Variants in ANKRD28 observed in about 807,000 individuals in gnomAD.
ANKRD28 encodes serine/threonine-protein phosphatase 6 regulatory ankyrin repeat subunit A.
Under a neutral mutation model 126.5 loss-of-function variants are expected in ANKRD28, and 44 were observed. That is an observed-to-expected ratio of 0.35 (90% CI 0.27 to 0.45). The LOEUF (loss-of-function observed/expected upper bound fraction) is 0.45, where lower values mean the gene tolerates loss of function less well. ANKRD28 is among the 20% of genes least tolerant of loss of function. ANKRD28 has a pLI of 1.00. For synonymous variants in ANKRD28, 442 were observed against 468.5 expected (o/e 0.94, Z 0.73); for missense variants, 1,110 against 1,316.6 (o/e 0.84, Z 2.43).
chr3:15,741,944 G>T (rs1318877228), intron 4 of ANKRD28, among the ~76,000 whole-genome samples: 11 of 151,918 alleles, frequency 7.2e-5, no homozygotes, highest in African/African-American at 2.7e-4. Context: ...TCGCTGTGTT[G>T]GCCGGGCTGG....
intron 2 of ANKRD28, among the ~76,000 whole-genome samples, chr3:15,772,527 A>C (rs753587615): frequency 2.0e-5 from 3 of 152,234 alleles, no homozygotes; most frequent in Non-Finnish European, 4.4e-5. Flanking sequence ...AGGGTACTAC[A>C]TCACGACCAA....
At chr3:15,788,675 CATT>C (rs2059891885) in intron 2 of ANKRD28, among the ~76,000 whole-genome samples, 1 of 152,060 alleles carries the variant, frequency 6.6e-6, no homozygotes, top group African/African-American at 2.4e-5. Context: ...AATGTGGTAT[CATT>C]AATATTTCAG....
chr3:15,777,902 A>ACACACACACC (rs1385745179), intron 2 of ANKRD28, among the ~76,000 whole-genome samples: 5 of 136,826 alleles, frequency 3.7e-5, no homozygotes, highest in Admixed American at 1.4e-4. Flanking sequence ...ACACACACAC[A>ACACACACACC]CCCTCTCCGC....
intron 1 of ANKRD28, among the ~76,000 whole-genome samples, chr3:15,821,116 C>T (rs2060933296): frequency 6.6e-6 from 1 of 152,146 alleles, no homozygotes; most frequent in Admixed American, 6.5e-5. Flanking sequence ...ATAACTCATT[C>T]CCCTAAATTG....
chr3:15,695,807 C>T lies in ANKRD28; in HGVS notation c.1659+327G>A, dbSNP rs57075436. ...GGGGGAGATATTCCTTTCACAGGGA[C>T]TTTTATTTCTCACAAAAGACACAGT... On this transcript the variant is annotated intron_variant, in intron 15 of 27. Transcript: ENST00000683139. Among the ~76,000 whole-genome samples, 598 of 152,132 alleles carry T rather than the reference C, an allele frequency of 3.9e-3. 8 individuals carry two copies. Among genetic ancestry groups the T allele is most frequent in the African/African-American group, 0.013 (548 of 41,524 alleles).
At chr3:15,743,582 A>ACACACG (rs1553616169) in intron 4 of ANKRD28, among the ~76,000 whole-genome samples, 119 of 150,814 alleles carry the variant, frequency 7.9e-4, no homozygotes, top group African/African-American at 2.8e-3. Context: ...ACACACACAC[A>ACACACG]CACACACACA....
intron 1 of ANKRD28, among the ~76,000 whole-genome samples, chr3:15,803,339 C>T (rs1242082908): frequency 2.6e-5 from 4 of 152,090 alleles, no homozygotes; most frequent in Admixed American, 2.0e-4. Context: ...ATTTTAGAGG[C>T]CGTGCACGGT....
At chr3:15,730,230 C>A (rs1189696619) in intron 6 of ANKRD28, among the ~76,000 whole-genome samples, 2 of 152,072 alleles carry the variant, frequency 1.3e-5, no homozygotes, top group African/African-American at 4.8e-5. Flanking sequence ...CTAAACTTGG[C>A]TGAATATTTC....
chr3:15,841,998 C>T (rs960593895), intron 1 of ANKRD28, among the ~76,000 whole-genome samples: 1 of 150,398 alleles, frequency 6.6e-6, no homozygotes, highest in Non-Finnish European at 1.5e-5. Context: ...ATTATATAGG[C>T]ATAATTTATA....
chr3:15,734,695 C>T (rs1458893856), intron 6 of ANKRD28, among the ~76,000 whole-genome samples: 5 of 152,186 alleles, frequency 3.3e-5, no homozygotes, highest in Admixed American at 6.5e-5. Context: ...ATCTACCTTC[C>T]TCGGCAGTTT....
chr3:15,689,261 A>G (rs1043613981), intron 18 of ANKRD28, among the ~76,000 whole-genome samples: 1 of 152,170 alleles, frequency 6.6e-6, no homozygotes, highest in Admixed American at 6.5e-5. Context: ...GCTGTAGCAC[A>G]ACCTTCAAAA....
At chr3:15,744,488 T>TA (rs57546710) in intron 4 of ANKRD28, among the ~76,000 whole-genome samples, 10 of 150,956 alleles carry the variant, frequency 6.6e-5, no homozygotes, top group African/African-American at 2.4e-4. Context: ...TTTTTTTTTT[T>TA]GTACTTTTCA....
chr3:15,776,960 T>C (rs762770889), intron 2 of ANKRD28, among the ~76,000 whole-genome samples: 3 of 152,152 alleles, frequency 2.0e-5, no homozygotes, highest in Non-Finnish European at 4.4e-5. Context: ...TTTGTTCTCC[T>C]GAACTAATGT....
At chr3:15,798,366 T>G (rs2060371501), upstream of ANKRD28, among the ~76,000 whole-genome samples, 1 of 152,200 alleles carries the variant, frequency 6.6e-6, no homozygotes, top group Admixed American at 6.6e-5. Context: ...GTTTTATTCA[T>G]ATTTTTACCA....
intron 26 of ANKRD28, 169 bp downstream of exon 26, chr3:15,676,805 G>T: frequency 6.4e-6 from 3 of 471,694 alleles, no homozygotes; most frequent in South Asian, 7.5e-5. Context: ...AAATAATATG[G>T]CTTTTAGTTG....
At chr3:15,772,470 A>G (rs2125612624) in intron 2 of ANKRD28, among the ~76,000 whole-genome samples, 1 of 152,276 alleles carries the variant, frequency 6.6e-6, no homozygotes, top group East Asian at 1.9e-4. Flanking sequence ...AGAGACATAA[A>G]TATCTTCAAC....
chr3:15,712,215 T>C lies in ANKRD28; in HGVS notation c.1198A>G (p.Ile400Val), dbSNP rs928305551. The change falls in exon 11 of 28, where the codon ATA (isoleucine) becomes GTA (valine). Residue 400 changes from isoleucine to valine, a missense_variant. Ile to Val is a conservative substitution (Grantham distance 29). Transcript: ENST00000683139. Reference protein sequence around the residue: ...TSGADTAKRGIHGMFPLHLAA... With the variant: ...TSGADTAKRGVHGMFPLHLAA... ...AAATGGAGGGGGAACATTCCATGTA[T>C]GCCACGCCTAAAGTTAATAGAACAG... 34 of 1,578,882 alleles carry C rather than the reference T, an allele frequency of 2.2e-5. No individual in the cohort carries two copies. The highest frequency in any genetic ancestry group is 2.8e-5 in the Non-Finnish European group (33 of 1,161,490).
chr3:15,777,903 C>CACACACACACACACACACA (rs1553631647), intron 2 of ANKRD28, among the ~76,000 whole-genome samples: 8 of 148,996 alleles, frequency 5.4e-5, no homozygotes, highest in South Asian at 4.3e-4. Context: ...CACACACACA[C>CACACACACACACACACACA]CCTCTCCGCC....
chr3:15,730,796 T>C (rs547587776), intron 6 of ANKRD28, among the ~76,000 whole-genome samples: 1 of 152,214 alleles, frequency 6.6e-6, no homozygotes, highest in Non-Finnish European at 1.5e-5. Context: ...TATATGGTAC[T>C]ATGGTTTAAA....
Sources: gnomAD v4.1 joint callset for allele counts (sites outside exome capture counted in the v4.1 genomes callset) on GRCh38, gnomAD v4.1.1 for gene constraint, MANE v1.5 for transcripts, NCBI Gene and HGNC (gene_info 2026-07-23, HGNC 2026-07-21) for gene names.